Variants in CDKN1B observed in about 807,000 individuals in gnomAD.
The protein encoded by CDKN1B is cyclin-dependent kinase inhibitor 1B.
A neutral mutation model predicts 17.1 loss-of-function variants in CDKN1B; 7 were observed. That is an observed-to-expected ratio of 0.41 (90% CI 0.23 to 0.77). The LOEUF is 0.77. Ranked by LOEUF, CDKN1B falls within the 30% of genes least tolerant of loss-of-function variation. CDKN1B has a pLI of 0.33. For synonymous variants in CDKN1B, 149 were observed against 104.3 expected (o/e 1.43, Z -2.61); for missense variants, 337 against 262.0 (o/e 1.29, Z -1.98).
intron 2 of CDKN1B, 78 bp downstream of exon 2, chr12:12,719,032 G>A (rs982923935): frequency 1.8e-5 from 29 of 1,576,870 alleles, no homozygotes; most frequent in Admixed American, 6.8e-5. Context: ...ACTGGTTGCT[G>A]GCAAATTAAA....
chr12:12,717,624 G>C lies in CDKN1B; in HGVS notation c.-216G>C, dbSNP rs1247136605. The C allele has an allele frequency of 3.4e-6, 5 of 1,456,956 alleles. No homozygotes were observed. The East Asian group carries it at 9.9e-5, about 29-fold the overall frequency. The allele number at this position is 1,456,956 out of a possible 1,614,324, so 90.3% of individuals were successfully genotyped here. ...CGCCCTCCCGCTCGCCAGTCCATTT[G>C]ATCAGCGGAGACTCGGCGGCCGGGC... On this transcript the variant is annotated 5_prime_UTR_variant, in exon 1 of 3. Transcript: ENST00000228872.
Position 12,717,615 on chromosome 12 carries a change from A to G in CDKN1B, c.-225A>G. The G allele has an allele frequency of 6.9e-7, 1 of 1,445,928 alleles. No individual in the cohort carries two copies. The highest frequency in any genetic ancestry group is 9.0e-7 in the Non-Finnish European group (1 of 1,107,290). 89.6% of individuals were successfully genotyped at this position (1,445,928 alleles called of 1,614,324 possible). ...TCTCCTCTCCGCCCTCCCGCTCGCC[A>G]GTCCATTTGATCAGCGGAGACTCGG... On this transcript the variant is annotated 5_prime_UTR_variant, in exon 1 of 3. Transcript: ENST00000228872.
At position 12,717,773 on chromosome 12, in the gene CDKN1B, C is replaced by T; in HGVS notation, c.-67C>T. 6.2e-7 allele frequency: 1 copy of T among 1,605,652 alleles called. No individual in the cohort carries two copies. Among genetic ancestry groups the T allele is most frequent in the South Asian group, 1.1e-5 (1 of 90,910 alleles). On this transcript the variant is annotated 5_prime_UTR_variant, in exon 1 of 3. Coordinates refer to ENST00000228872, the MANE Select transcript of CDKN1B (RefSeq NM_004064.5). ...GAGGGGTTCGGGCTGCGTAGGGGCG[C>T]TTTGTTTTGTTCGGTTTTGTTTTTT... is the stretch of plus-strand genomic sequence containing the variant.
Position 12,718,126 on chromosome 12 carries a change from A to G in CDKN1B, c.287A>G (p.Lys96Arg), listed in dbSNP as rs1297219334. The G allele has an allele frequency of 1.9e-6, 3 of 1,614,124 alleles. No individual in the cohort carries two copies. Among genetic ancestry groups the G allele is most frequent in the South Asian group, 1.1e-5 (1 of 91,084 alleles). Residue 96 changes from lysine (K) to arginine (R), a missense_variant, in exon 1 of 3, where the codon AAA becomes AGA. Lys to Arg is a conservative substitution (Grantham distance 26). Transcript: ENST00000228872. ...EFYYRPPRPP[K>R]GACKVPAQES... ...TACTACAGACCCCCGCGGCCCCCCA[A>G]AGGTGCCTGCAAGGTGCCGGCGCAG...
intron 1 of CDKN1B, 110 bp downstream of exon 1, chr12:12,718,424 C>T: frequency 9.8e-7 from 1 of 1,018,194 alleles, no homozygotes; most frequent in African/African-American, 1.6e-5. Context: ...TTTGGGAGAG[C>T]TAACTTTATT....
Position 12,721,773 on chromosome 12 carries a change from G to C in CDKN1B, c.*746G>C, listed in dbSNP as rs886049085. 1.3e-5 allele frequency: 2 copies of C among 152,174 alleles called. No individual in the cohort carries two copies. Among genetic ancestry groups the C allele is most frequent in the African/African-American group, 4.8e-5 (2 of 41,432 alleles). 9.4% of individuals were successfully genotyped at this position (152,174 alleles called of 1,614,324 possible). Reference sequence around the variant, plus strand: ...AAAATCCGAGGTGCTTGGGAGTTTTGAATGTTAAGAATTGACCATCTGCTT... The same window carrying C: ...AAAATCCGAGGTGCTTGGGAGTTTTCAATGTTAAGAATTGACCATCTGCTT... On this transcript the variant is annotated 3_prime_UTR_variant, in exon 3 of 3. Transcript: ENST00000228872.
intron 1 of CDKN1B, 81 bp downstream of exon 1, chr12:12,718,395 C>T: frequency 7.8e-7 from 1 of 1,285,942 alleles, no homozygotes; most frequent in South Asian, 1.3e-5. Flanking sequence ...GCTTGCTTTT[C>T]GGCGTATTCT....
Position 12,717,588 on chromosome 12 carries a change from C to T in CDKN1B, c.-252C>T. The T allele has an allele frequency of 4.2e-6, 6 of 1,430,752 alleles. No homozygotes were observed. The highest frequency in any genetic ancestry group is 4.6e-6 in the Non-Finnish European group (5 of 1,098,178). The allele number at this position is 1,430,752 out of a possible 1,614,324, so 88.6% of individuals were successfully genotyped here. A position where few individuals can be genotyped will look rare whatever the true frequency, so the allele number is the denominator to read the frequency against. ...GCCACCCTCTCCGCTTGCCTGGTCCCCTCTCCTCTCCGCCCTCCCGCTCGC... is the reference window on the plus strand; with the variant it reads ...GCCACCCTCTCCGCTTGCCTGGTCCTCTCTCCTCTCCGCCCTCCCGCTCGC... On this transcript the variant is annotated 5_prime_UTR_variant, in exon 1 of 3. Coordinates refer to ENST00000228872, the MANE Select transcript of CDKN1B (RefSeq NM_004064.5).
At chr12:12,720,736 C>T (rs1946534218) in intron 2 of CDKN1B, among the ~76,000 whole-genome samples, 1 of 152,140 alleles carries the variant, frequency 6.6e-6, no homozygotes, top group East Asian at 1.9e-4. Context: ...CCAGCAGTAT[C>T]CTCCTCCCCC....
rs1036603935 is a variant in CDKN1B, at chr12:12,717,420, G to A, written c.-420G>A. 6.5e-6 allele frequency: 8 copies of A among 1,227,060 alleles called. No individual in the cohort carries two copies. The African/African-American group carries it at 7.7e-5, about 12-fold the overall frequency. The allele number at this position is 1,227,060 out of a possible 1,614,324, so 76.0% of individuals were successfully genotyped here. A position where few individuals can be genotyped will look rare whatever the true frequency, so the allele number is the denominator to read the frequency against. ...CATATTGGGCCACTAAAAAAAGGGGGCTCGTCTTTTCGGGGTGTTTTTCTC... is the reference window on the plus strand; with the variant it reads ...CATATTGGGCCACTAAAAAAAGGGGACTCGTCTTTTCGGGGTGTTTTTCTC... On this transcript the variant is annotated 5_prime_UTR_variant, in exon 1 of 3. Coordinates refer to ENST00000228872, the MANE Select transcript of CDKN1B (RefSeq NM_004064.5).
chr12:12,719,284 A>ACTC (rs1253333297), intron 2 of CDKN1B: 1 of 301,146 alleles, frequency 3.3e-6, no homozygotes, highest in Non-Finnish European at 6.4e-6. Flanking sequence ...GAACTAGGGT[A>ACTC]CTCCCTCAGT....
In CDKN1B at chr12:12,717,901, C is replaced by T. The variant is rs1229515408; in HGVS notation, c.62C>T (p.Ala21Val). 4 of 1,613,918 alleles carry T rather than the reference C, an allele frequency of 2.5e-6. No homozygotes were observed. The highest frequency in any genetic ancestry group is 1.3e-5 in the African/African-American group (1 of 74,918). ...CTGGAGCGGATGGACGCCAGGCAGG[C>T]GGAGCACCCCAAGCCCTCGGCCTGC... The part of the protein sequence containing the change: ...PSLERMDARQ[A>V]EHPKPSACRN... Residue 21 changes from alanine (A) to valine (V), a missense_variant, in exon 1 of 3, where the codon GCG becomes GTG. By Grantham distance (64) the Ala-to-Val change is moderately conservative. Coordinates refer to ENST00000228872, the MANE Select transcript of CDKN1B (RefSeq NM_004064.5).
rs373917399 is a variant in CDKN1B at position 12,718,831 on chromosome 12, C to G, written c.482C>G (p.Ser161Cys). ...IRKRPATDDS[S>C]TQNKRANRTE... ...AAATTTCCCCTGCGCTTAGATTCTT[C>G]TACTCAAAACAAAAGAGCCAACAGA... is the stretch of plus-strand genomic sequence containing the variant. Residue 161 changes from serine to cysteine, a missense_variant, in exon 2 of 3, where the codon TCT becomes TGT. Transcript: ENST00000228872. 1.6e-4 allele frequency: 259 copies of G among 1,614,072 alleles called. 1 individual carries two copies. Among genetic ancestry groups the G allele is most frequent in the Middle Eastern group, 6.6e-4 (4 of 6,060 alleles).
chr12:12,719,015 T>C (rs1213155357), intron 2 of CDKN1B, 61 bp downstream of exon 2: 5 of 1,594,798 alleles, frequency 3.1e-6, no homozygotes, highest in East Asian at 2.2e-5. Context: ...TCACGATACC[T>C]GATCTTACTG....
intron 2 of CDKN1B, among the ~76,000 whole-genome samples, chr12:12,720,520 C>A (rs1331803074): frequency 6.6e-6 from 1 of 151,994 alleles, no homozygotes; most frequent in African/African-American, 2.4e-5. Context: ...TAAAAATTTT[C>A]AAAAATTTAG....
chr12:12,717,731 A>G lies in CDKN1B; in HGVS notation c.-109A>G, dbSNP rs1946482541. The G allele has an allele frequency of 3.2e-5, 51 of 1,579,366 alleles. No individual in the cohort carries two copies. Among genetic ancestry groups the G allele is most frequent in the Non-Finnish European group, 4.3e-5 (50 of 1,171,610 alleles). The stretch of plus-strand genomic sequence containing the variant: ...GTCTGTGTCTTTTGGCTCCGAGGGC[A>G]GTCGCTGGGCTTCCGAGAGGGGTTC... On this transcript the variant is annotated 5_prime_UTR_variant, in exon 1 of 3. Coordinates refer to ENST00000228872, the MANE Select transcript of CDKN1B (RefSeq NM_004064.5).
rs749773766 is a variant in CDKN1B, at chr12:12,721,448, A to G, written c.*421A>G. 69 of 345,442 alleles carry G rather than the reference A, an allele frequency of 2.0e-4. No individual in the cohort carries two copies. The South Asian group carries it at 3.0e-3, about 15-fold the overall frequency. The allele number at this position is 345,442 out of a possible 1,614,324, so 21.4% of individuals were successfully genotyped here. A position where few individuals can be genotyped will look rare whatever the true frequency, so the allele number is the denominator to read the frequency against. ...GAAGCAATTTTGGGGAAGGGTTTGAATTGTTTTCTTTAAAGATGTAATGTC... is the reference window on the plus strand; with the variant it reads ...GAAGCAATTTTGGGGAAGGGTTTGAGTTGTTTTCTTTAAAGATGTAATGTC... On this transcript the variant is annotated 3_prime_UTR_variant, in exon 3 of 3. Coordinates refer to ENST00000228872, the MANE Select transcript of CDKN1B (RefSeq NM_004064.5).
At chr12:12,720,905 T>G (rs1946535292) in intron 2 of CDKN1B, 131 bp from the exon 3 acceptor site, 3 of 548,464 alleles carry the variant, frequency 5.5e-6, no homozygotes, top group Admixed American at 7.0e-5. Flanking sequence ...TGGAGATGAC[T>G]ATAGTCATCA....
Position 12,718,209 on chromosome 12 carries a change from A to G in CDKN1B, c.370A>G (p.Asn124Asp), listed in dbSNP as rs1946496907. 6.2e-7 allele frequency: 1 copy of G among 1,613,058 alleles called. No individual in the cohort carries two copies. ...GGCGCCTTTAATTGGGGCTCCGGCT[A>G]ACTCTGAGGACACGCATTTGGTGGA... Reference protein sequence around the residue: ...PAAPLIGAPANSEDTHLVDPK... With the variant: ...PAAPLIGAPADSEDTHLVDPK... The change falls in exon 1 of 3, where the codon AAC becomes GAC. Residue 124 changes from asparagine to aspartate, a missense_variant. By Grantham distance (23) the Asn-to-Asp change is conservative. Coordinates refer to ENST00000228872, the MANE Select transcript of CDKN1B (RefSeq NM_004064.5).
Sources: allele counts gnomAD v4.1 joint callset (sites outside exome capture counted in the v4.1 genomes callset), GRCh38; gene constraint gnomAD v4.1.1; transcripts MANE v1.5; gene names NCBI Gene and HGNC (gene_info 2026-07-23, HGNC 2026-07-21).